The following PRR16 variants were observed in gnomAD, a reference collection of about 807,000 sequenced individuals.
PRR16 encodes the protein proline rich 16, also known as protein Largen.
In PRR16, 6 loss-of-function variants were observed where a neutral mutation model predicts 18.2. The ratio of observed to expected loss-of-function variants is 0.33; its 90% CI spans 0.18 to 0.65. The LOEUF is 0.65. PRR16 is among the 30% of genes least tolerant of loss of function. The pLI is 0.74. For missense variants in PRR16, 412 were observed against 376.6 expected, an observed-to-expected ratio of 1.09 and a Z score of -0.78; for synonymous variants, 151 against 147.8, an observed-to-expected ratio of 1.02 and a Z score of -0.16.
At chr5:120,702,357 G>C in the PRR16 span, among the ~76,000 whole-genome samples, 1 of 151,912 alleles carries the variant, frequency 6.6e-6, no homozygotes. Context: ...TACGAGGTTG[G>C]GGTACTTGCC....
chr5:120,673,482 T>C (rs758128964), intron 1 of PRR16, among the ~76,000 whole-genome samples: 1 of 152,268 alleles, frequency 6.6e-6, no homozygotes, highest in Non-Finnish European at 1.5e-5. Context: ...CATCATTTAG[T>C]GTTTCGATTA....
chr5:120,747,759 G>T, the PRR16 span, among the ~76,000 whole-genome samples: 1 of 148,128 alleles, frequency 6.8e-6, no homozygotes, highest in African/African-American at 2.6e-5. Context: ...AGAGAAAGAT[G>T]AAGGAAGGAA....
chr5:120,768,123 C>T, the PRR16 span, among the ~76,000 whole-genome samples: 1 of 151,850 alleles, frequency 6.6e-6, no homozygotes, highest in Non-Finnish European at 1.5e-5. Flanking sequence ...CAATTTGCCT[C>T]ATTTGGTCAT....
intron 1 of PRR16, among the ~76,000 whole-genome samples, chr5:120,601,570 T>G (rs1247821913): frequency 6.6e-6 from 1 of 152,088 alleles, no homozygotes; most frequent in African/African-American, 2.4e-5. Context: ...TTAGTTTCTT[T>G]AAGTCCCACT....
At chr5:120,758,852 A>G in the PRR16 span, among the ~76,000 whole-genome samples, 1 of 151,862 alleles carries the variant, frequency 6.6e-6, no homozygotes, top group East Asian at 1.9e-4. Context: ...ATATTTGTCT[A>G]TCAGTTATAT....
At chr5:120,645,304 A>G (rs1412107686) in intron 1 of PRR16, among the ~76,000 whole-genome samples, 1 of 151,932 alleles carries the variant, frequency 6.6e-6, no homozygotes, top group African/African-American at 2.4e-5. Flanking sequence ...TGTATAATAC[A>G]TGAAAGTTTG....
chr5:120,678,175 CT>C (rs1756867420), intron 1 of PRR16, among the ~76,000 whole-genome samples: 1 of 152,146 alleles, frequency 6.6e-6, no homozygotes, highest in African/African-American at 2.4e-5. Context: ...TCCCAAAGTG[CT>C]GGGATTAAGC....
At chr5:120,496,285 ATTC>A (rs142006850) in intron 1 of PRR16, among the ~76,000 whole-genome samples, 3,766 of 152,142 alleles carry the variant, frequency 0.025, 122 homozygotes, top group African/African-American at 0.074. Flanking sequence ...ATTTGTAGTA[ATTC>A]TTCTATGAAT....
chr5:120,524,374 T>C (rs1244081221), intron 1 of PRR16, among the ~76,000 whole-genome samples: 1 of 152,166 alleles, frequency 6.6e-6, no homozygotes, highest in Non-Finnish European at 1.5e-5. Flanking sequence ...ATATAACATA[T>C]CTAATGTACA....
the PRR16 span, among the ~76,000 whole-genome samples, chr5:120,715,351 G>T: frequency 6.6e-6 from 1 of 152,166 alleles, no homozygotes; most frequent in African/African-American, 2.4e-5. Context: ...TATGATTTCA[G>T]TGCTTCACGT....
chr5:120,690,929 G>A (rs921025054), downstream of PRR16, among the ~76,000 whole-genome samples: 4 of 152,024 alleles, frequency 2.6e-5, no homozygotes, highest in African/African-American at 4.8e-5. Context: ...TTTAAAATAC[G>A]GTTAAATCGA....
At chr5:120,692,068 C>T (rs1453868470), downstream of PRR16, among the ~76,000 whole-genome samples, 1 of 152,188 alleles carries the variant, frequency 6.6e-6, no homozygotes, top group Non-Finnish European at 1.5e-5. Flanking sequence ...AGGCAGTCTG[C>T]CTCCACAATC....
intron 1 of PRR16, among the ~76,000 whole-genome samples, chr5:120,568,467 T>G (rs1395640494): frequency 1.3e-5 from 2 of 152,080 alleles, no homozygotes; most frequent in Non-Finnish European, 2.9e-5. Context: ...AAAATAAAGT[T>G]GTCTGGGAAA....
At chr5:120,712,917 T>C in the PRR16 span, among the ~76,000 whole-genome samples, 18 of 151,994 alleles carry the variant, frequency 1.2e-4, no homozygotes, top group African/African-American at 4.4e-4. Context: ...AATATAGAGG[T>C]TTCTAAAAAA....
the PRR16 span, among the ~76,000 whole-genome samples, chr5:120,723,420 T>C: frequency 7.9e-3 from 1,200 of 152,088 alleles, 15 homozygotes; most frequent in African/African-American, 0.028. Flanking sequence ...ATGCTGTCTA[T>C]GAGAAATAGT....
chr5:120,599,475 C>T (rs1250042371), intron 1 of PRR16, among the ~76,000 whole-genome samples: 1 of 151,684 alleles, frequency 6.6e-6, no homozygotes, highest in Non-Finnish European at 1.5e-5. Flanking sequence ...ACTTTTTAAC[C>T]TCTCATTTGT....
chr5:120,621,755 G>C (rs1345742141), intron 1 of PRR16, among the ~76,000 whole-genome samples: 1 of 152,040 alleles, frequency 6.6e-6, no homozygotes, highest in Admixed American at 6.6e-5. Flanking sequence ...TGTAAAGAAG[G>C]TGCCTTGCTT....
intron 1 of PRR16, among the ~76,000 whole-genome samples, chr5:120,532,127 C>G (rs1206735214): frequency 6.6e-6 from 1 of 152,052 alleles, no homozygotes. Context: ...TTCTCAAAAT[C>G]AAAATCCTAT....
chr5:120,760,781 C>A, the PRR16 span, among the ~76,000 whole-genome samples: 1 of 152,134 alleles, frequency 6.6e-6, no homozygotes, highest in Non-Finnish European at 1.5e-5. Context: ...CCCCAGCTTG[C>A]CTCCCTCAGT....
Sources: gnomAD v4.1 joint callset for allele counts (sites outside exome capture counted in the v4.1 genomes callset) on GRCh38, gnomAD v4.1.1 for gene constraint, MANE v1.5 for transcripts, NCBI Gene and HGNC (gene_info 2026-07-23, HGNC 2026-07-21) for gene names.